PTPRN2: variants seen among roughly 807,000 people sequenced by gnomAD.
PTPRN2 encodes receptor-type tyrosine-protein phosphatase N2.
Under a neutral mutation model 118.8 loss-of-function variants are expected in PTPRN2, and 74 were observed. The ratio of observed to expected loss-of-function variants is 0.62; its 90% CI spans 0.52 to 0.76. The LOEUF is 0.76. Among genes scored for constraint, PTPRN2 ranks in the 30% least tolerant of loss-of-function variants. The pLI, the probability that PTPRN2 is intolerant of heterozygous loss-of-function variation, is 0.00. For missense variants in PTPRN2, 1,481 were observed against 1,394.4 expected (o/e 1.06, Z -0.99); for synonymous variants, 641 against 608.0 (o/e 1.05, Z -0.80).
intron 2 of PTPRN2, among the ~76,000 whole-genome samples, chr7:158,371,841 G>A (rs1404971442): frequency 1.3e-5 from 2 of 152,156 alleles, no homozygotes; most frequent in African/African-American, 4.8e-5. Context: ...AACAGATAAC[G>A]TGACATGCTC....
intron 13 of PTPRN2, among the ~76,000 whole-genome samples, chr7:157,675,464 G>C (rs1017192204): frequency 6.6e-6 from 1 of 152,240 alleles, no homozygotes; most frequent in African/African-American, 2.4e-5. Flanking sequence ...CAAGTGTCTT[G>C]AATTCTGCAG....
At chr7:157,653,211 T>C (rs1805789848) in intron 14 of PTPRN2, among the ~76,000 whole-genome samples, 1 of 152,164 alleles carries the variant, frequency 6.6e-6, no homozygotes, top group Non-Finnish European at 1.5e-5. Flanking sequence ...CATCGGATCG[T>C]GGGGTTCAGA....
chr7:158,262,980 TAC>T (rs71198590), intron 3 of PTPRN2, among the ~76,000 whole-genome samples: 56,314 of 143,010 alleles, frequency 0.39, 10,635 homozygotes, highest in African/African-American at 0.44. Flanking sequence ...ACTGCACACA[TAC>T]AGATTCACAC....
intron 6 of PTPRN2, among the ~76,000 whole-genome samples, chr7:158,149,696 C>G (rs1386771898): frequency 6.6e-6 from 1 of 151,658 alleles, no homozygotes; most frequent in African/African-American, 2.4e-5. Flanking sequence ...CCCAGCTACT[C>G]AGGAGGCTAA....
chr7:158,482,687 T>C (rs1820730457), intron 2 of PTPRN2, among the ~76,000 whole-genome samples: 2 of 152,224 alleles, frequency 1.3e-5, no homozygotes, highest in Non-Finnish European at 2.9e-5. Context: ...TGCAGTGCCC[T>C]GGAATTGAAC....
At chr7:158,279,870 T>G (rs901678023) in intron 3 of PTPRN2, among the ~76,000 whole-genome samples, 7 of 152,062 alleles carry the variant, frequency 4.6e-5, no homozygotes, top group Non-Finnish European at 7.4e-5. Flanking sequence ...CGAGGGCTGC[T>G]AGCACGTTAT....
intron 2 of PTPRN2, among the ~76,000 whole-genome samples, chr7:158,361,906 C>T (rs1166327032): frequency 6.6e-6 from 1 of 152,206 alleles, no homozygotes; most frequent in Non-Finnish European, 1.5e-5. Flanking sequence ...TCCCCCTCTT[C>T]CCAGCTCTTC....
intron 3 of PTPRN2, among the ~76,000 whole-genome samples, chr7:158,272,175 G>C (rs1798556422): frequency 6.6e-6 from 1 of 152,162 alleles, no homozygotes; most frequent in East Asian, 1.9e-4. Flanking sequence ...GGAGGGTCTA[G>C]AGTGAAGCCC....
At chr7:157,799,364 G>A (rs1239990016) in intron 12 of PTPRN2, among the ~76,000 whole-genome samples, 1 of 152,110 alleles carries the variant, frequency 6.6e-6, no homozygotes, top group Non-Finnish European at 1.5e-5. Flanking sequence ...GCCATCTCTT[G>A]CCGTGAGACC....
chr7:157,901,531 G>A lies in PTPRN2; in HGVS notation c.1724-2794C>T, dbSNP rs112997104. 3.9e-3 allele frequency among the ~76,000 whole-genome samples: 589 copies of A among 152,292 alleles called. 3 individuals are homozygous for A. Among genetic ancestry groups the A allele is most frequent in the African/African-American group, 0.013 (550 of 41,566 alleles). On this transcript the variant is annotated intron_variant, in intron 11 of 22. Coordinates refer to ENST00000389418, the MANE Select transcript of PTPRN2 (RefSeq NM_002847.5). Reference sequence around the variant, plus strand: ...AAAATGGTGAGCTTTAGTATGGATCGCCTCTGCTCTTAACATAGTTTATTT... The same window carrying A: ...AAAATGGTGAGCTTTAGTATGGATCACCTCTGCTCTTAACATAGTTTATTT...
At chr7:158,094,268 T>G (rs1814440319) in intron 10 of PTPRN2, among the ~76,000 whole-genome samples, 1 of 152,142 alleles carries the variant, frequency 6.6e-6, no homozygotes, top group Non-Finnish European at 1.5e-5. Context: ...CGCTCGCCAT[T>G]CCCGAAGGAC....
chr7:158,319,396 TCC>T (rs1252408057), intron 2 of PTPRN2, among the ~76,000 whole-genome samples: 1 of 42,192 alleles, frequency 2.4e-5, no homozygotes. Context: ...ACACACAGCC[TCC>T]CACACACACA....
In PTPRN2 at chr7:158,440,516, A is replaced by G. The variant is rs1816915850; in HGVS notation, c.163+49219T>C. Reference sequence around the variant, plus strand: ...GATGGTAGTGATGGTAATAGGGGTGATAGTGGTGATGTGGTAATGATGGTG... The same window carrying G: ...GATGGTAGTGATGGTAATAGGGGTGGTAGTGGTGATGTGGTAATGATGGTG... On this transcript the variant is annotated intron_variant, in intron 2 of 22. Transcript: ENST00000389418. Among the ~76,000 whole-genome samples the G allele has an allele frequency of 2.0e-5, 3 of 147,150 alleles. No homozygotes were observed. In the South Asian group the frequency reaches 6.4e-4, roughly 31 times the overall value.
intron 10 of PTPRN2, among the ~76,000 whole-genome samples, chr7:158,103,502 G>A (rs1235648745): frequency 6.6e-6 from 1 of 152,242 alleles, no homozygotes; most frequent in East Asian, 1.9e-4. Context: ...GTCCGAGGCA[G>A]GGCCCACTCT....
chr7:157,769,258 C>A (rs921058189), intron 12 of PTPRN2, among the ~76,000 whole-genome samples: 4 of 152,262 alleles, frequency 2.6e-5, no homozygotes, highest in African/African-American at 9.6e-5. Flanking sequence ...AGGCCACTCC[C>A]GACGGCATCC....
chr7:157,601,606 C>T (rs904006655), intron 16 of PTPRN2, among the ~76,000 whole-genome samples: 27 of 152,244 alleles, frequency 1.8e-4, no homozygotes, highest in African/African-American at 6.5e-4. Context: ...CCCAAACACA[C>T]ACCCCCTCTG....
At chr7:158,215,129 T>G (rs1037075976) in intron 3 of PTPRN2, among the ~76,000 whole-genome samples, 3 of 152,142 alleles carry the variant, frequency 2.0e-5, no homozygotes, top group Admixed American at 1.3e-4. Context: ...TGAACACACT[T>G]GAAACAAATG....
chr7:158,328,873 GC>G (rs1350197702), intron 2 of PTPRN2, among the ~76,000 whole-genome samples: 1 of 148,966 alleles, frequency 6.7e-6, no homozygotes, highest in Non-Finnish European at 1.5e-5. Flanking sequence ...TGAGCGACAA[GC>G]GGGACCTCTG....
At chr7:158,021,127 A>G (rs1806844476) in intron 11 of PTPRN2, among the ~76,000 whole-genome samples, 2 of 152,258 alleles carry the variant, frequency 1.3e-5, no homozygotes, top group Admixed American at 6.5e-5. Context: ...TTTTCTCACA[A>G]ACAAATCCTT....
Sources: allele counts gnomAD v4.1 joint callset (sites outside exome capture counted in the v4.1 genomes callset), GRCh38; gene constraint gnomAD v4.1.1; transcripts MANE v1.5; gene names NCBI Gene and HGNC (gene_info 2026-07-23, HGNC 2026-07-21).